Variants in BEST3 observed in about 807,000 individuals in gnomAD.
BEST3 encodes bestrophin 3.
Under a neutral mutation model 47.1 loss-of-function variants are expected in BEST3, and 50 were observed. The observed-to-expected ratio is 1.06, with a 90% CI of 0.85 to 1.34. The LOEUF is 1.34. BEST3 is among the 40% of genes most tolerant of loss of function. The pLI, the probability that BEST3 is intolerant of heterozygous loss-of-function variation, is 0.00. For synonymous variants in BEST3, 282 were observed against 298.8 expected, an observed-to-expected ratio of 0.94 and a Z score of 0.58; for missense variants, 765 against 817.0, an observed-to-expected ratio of 0.94 and a Z score of 0.78.
chr12:69,677,121 A>G, intron 6 of BEST3, 53 bp from the exon 7 acceptor site: 1 of 1,613,792 alleles, frequency 6.2e-7, no homozygotes, highest in Non-Finnish European at 8.5e-7. Flanking sequence ...CCCGCAGCGA[A>G]GCTACAGTGC....
chr12:69,695,784 GA>G (rs1003950262), intron 2 of BEST3, among the ~76,000 whole-genome samples: 2 of 152,044 alleles, frequency 1.3e-5, no homozygotes, highest in African/African-American at 4.8e-5. Flanking sequence ...CTATATATAA[GA>G]GGCATTGTAA....
chr12:69,681,101 A>G (rs779890044), intron 4 of BEST3, among the ~76,000 whole-genome samples: 3 of 152,124 alleles, frequency 2.0e-5, no homozygotes, highest in Non-Finnish European at 4.4e-5. Flanking sequence ...TTAAATGTTA[A>G]TTATGATTTA....
intron 4 of BEST3, among the ~76,000 whole-genome samples, chr12:69,682,113 T>G (rs1052895609): frequency 6.9e-6 from 1 of 145,740 alleles, no homozygotes; most frequent in Non-Finnish European, 1.5e-5. Flanking sequence ...AAAATACCAA[T>G]GGCTGGGTCT....
At chr12:69,686,786 A>AAAAAAAAAAAAAAAAAAAG (rs371159662) in intron 4 of BEST3, among the ~76,000 whole-genome samples, 7 of 143,278 alleles carry the variant, frequency 4.9e-5, no homozygotes, top group African/African-American at 7.9e-5. Context: ...AAACAAAAAA[A>AAAAAAAAAAAAAAAAAAAG]AAAGAAAGAA....
intron 9 of BEST3, 100 bp from the exon 10 acceptor site, chr12:69,655,913 T>C: frequency 6.8e-7 from 1 of 1,477,508 alleles, no homozygotes. Context: ...ATTTTTGCCT[T>C]ATAGATTTTT....
chr12:69,671,701 A>G, intron 8 of BEST3, 122 bp from the exon 9 acceptor site: 1 of 859,328 alleles, frequency 1.2e-6, no homozygotes, highest in East Asian at 2.6e-5. Flanking sequence ...GAATATACAA[A>G]TGTCTGTAGT....
At chr12:69,656,988 A>T (rs1883543154) in intron 9 of BEST3, among the ~76,000 whole-genome samples, 1 of 152,238 alleles carries the variant, frequency 6.6e-6, no homozygotes. Flanking sequence ...GTGAACTTGC[A>T]TCGCGATTGG....
At position 69,654,023 on chromosome 12, in the gene BEST3, A is replaced by G. The variant is rs1883306723; in HGVS notation, c.*884T>C. 6.1e-6 allele frequency: 6 copies of G among 985,454 alleles called. No individual in the cohort carries two copies. Among genetic ancestry groups the G allele is most frequent in the Non-Finnish European group, 7.2e-6 (6 of 829,942 alleles). The allele number at this position is 985,454 out of a possible 1,614,324, so 61.0% of individuals were successfully genotyped here. A position where few individuals can be genotyped will look rare whatever the true frequency, so the allele number is the denominator to read the frequency against. ...ATAGTGGAAGCAGAAAGAAATGTCA[A>G]TGGCTGCAAGGGCACGGGGGGAACC... is the stretch of plus-strand genomic sequence containing the variant. On this transcript the variant is annotated 3_prime_UTR_variant, in exon 10 of 10. Coordinates refer to ENST00000330891, the MANE Select transcript of BEST3 (RefSeq NM_032735.3).
Position 69,697,507 on chromosome 12 carries a change from G to A in BEST3, c.152+140C>T, listed in dbSNP as rs535150763. ...TGGTGGATTAAAATCTGTCCTGAGG[G>A]GAAGAAGACAAATGAGAGGCTCACG... On this transcript the variant is annotated intron_variant, in intron 2 of 9. Transcript: ENST00000330891. The A allele has an allele frequency of 3.3e-5, 20 of 605,556 alleles. No individual in the cohort carries two copies. In the African/African-American group the frequency reaches 3.4e-4, roughly 10 times the overall value. 37.5% of individuals were successfully genotyped at this position (605,556 alleles called of 1,614,324 possible). A position where few individuals can be genotyped will look rare whatever the true frequency, so the allele number is the denominator to read the frequency against.
At position 69,677,235 on chromosome 12, in the gene BEST3, C is replaced by A. The variant is rs1884980675; in HGVS notation, c.659G>T (p.Trp220Leu). The change falls in exon 6 of 10, where the codon TGG becomes TTG. Residue 220 changes from tryptophan to leucine, a missense_variant. By Grantham distance (61) the Trp-to-Leu change is moderately conservative. Coordinates refer to ENST00000330891, the MANE Select transcript of BEST3 (RefSeq NM_032735.3). ...LMTEMNRYRS[W>L]CSLLFGYDWV... ...GTCATAACCGAATAAGAGGCTGCAC[C>A]AAGAGCGGTATCGATTCATTTCCTA... 10 of 1,613,116 alleles carry A rather than the reference C, an allele frequency of 6.2e-6. No homozygotes were observed. In the East Asian group the frequency reaches 2.0e-4, roughly 32 times the overall value.
downstream of BEST3, among the ~76,000 whole-genome samples, chr12:69,651,925 C>G (rs928170891): frequency 1.3e-5 from 2 of 152,146 alleles, no homozygotes; most frequent in Non-Finnish European, 2.9e-5. Flanking sequence ...TTACATTTCT[C>G]CATTCCATTT....
Position 69,697,759 on chromosome 12 carries a change from A to T in BEST3, c.40T>A (p.Phe14Ile), listed in dbSNP as rs761141824. The T allele has an allele frequency of 6.2e-7, 1 of 1,613,092 alleles. No homozygotes were observed. Among genetic ancestry groups the T allele is most frequent in the Non-Finnish European group, 8.5e-7 (1 of 1,179,556 alleles). The stretch of plus-strand genomic sequence containing the variant: ...AGGAGTAACCTATGAAATCCAAAAA[A>T]AGTTGCATTTGCTACTTTACTGGAG... ...TYSSKVANAT[F>I]FGFHRLLLKW... The change falls in exon 2 of 10, where the codon TTT becomes ATT. Residue 14 changes from phenylalanine to isoleucine, a missense_variant. Coordinates refer to ENST00000330891, the MANE Select transcript of BEST3 (RefSeq NM_032735.3).
downstream of BEST3, among the ~76,000 whole-genome samples, chr12:69,652,367 G>A (rs1231558440): frequency 6.6e-6 from 1 of 152,150 alleles, no homozygotes; most frequent in African/African-American, 2.4e-5. Flanking sequence ...AATGAAATCA[G>A]GTACATGAGA....
In BEST3 at chr12:69,659,376, C is replaced by A. The variant is rs187994895; in HGVS notation, c.1101-3563G>T. ...ACGTATATATTTATTTATTTAGAGA[C>A]AAAGCCTCACTCTGTGACCCAGGCT... On this transcript the variant is annotated intron_variant, in intron 9 of 9. Coordinates refer to ENST00000330891, the MANE Select transcript of BEST3 (RefSeq NM_032735.3). Among the ~76,000 whole-genome samples the A allele has an allele frequency of 9.2e-4, 140 of 152,268 alleles. 1 individual carries two copies. Among genetic ancestry groups the A allele is most frequent in the Non-Finnish European group, 1.5e-3 (101 of 68,016 alleles).
In BEST3 at chr12:69,655,060, T is replaced by C. The variant is rs753450314; in HGVS notation, c.1854A>G (p.Leu618=). The C allele has an allele frequency of 4.8e-5, 78 of 1,614,046 alleles. No individual in the cohort carries two copies. In the Middle Eastern group the frequency reaches 1.5e-3, roughly 31 times the overall value. ...PDPMSSQPAL[L]IDTETSSEIS... ...TCTCTGAGGATGTTTCTGTGTCAAT[T>C]AAAAGAGCTGGCTGAGAGCTCATGG... Residue 618 remains leucine, a synonymous_variant, in exon 10 of 10, where the codon TTA becomes TTG. Transcript: ENST00000330891.
chr12:69,671,747 T>G (rs559826374), intron 8 of BEST3, among the ~76,000 whole-genome samples, 168 bp from the exon 9 acceptor site: 1 of 152,222 alleles, frequency 6.6e-6, no homozygotes, highest in East Asian at 1.9e-4. Flanking sequence ...CACAGAGAGT[T>G]GTATCTGTTG....
At chr12:69,685,992 A>G (rs1885554571) in intron 4 of BEST3, among the ~76,000 whole-genome samples, 1 of 152,164 alleles carries the variant, frequency 6.6e-6, no homozygotes, top group African/African-American at 2.4e-5. Context: ...CACTCACAGG[A>G]TGACATTCTG....
At position 69,654,066 on chromosome 12, in the gene BEST3, T is replaced by G; in HGVS notation, c.*841A>C. 3 of 985,448 alleles carry G rather than the reference T, an allele frequency of 3.0e-6. No individual in the cohort carries two copies. Among genetic ancestry groups the G allele is most frequent in the Non-Finnish European group, 3.6e-6 (3 of 829,912 alleles). 61.0% of individuals were successfully genotyped at this position (985,448 alleles called of 1,614,324 possible). A position where few individuals can be genotyped will look rare whatever the true frequency, so the allele number is the denominator to read the frequency against. On this transcript the variant is annotated 3_prime_UTR_variant, in exon 10 of 10. Coordinates refer to ENST00000330891, the MANE Select transcript of BEST3 (RefSeq NM_032735.3). ...GGGGAACCATCACTCCTATATGCCTTCCACTGGAAGTGAGACTGGAAGGGT... is the reference window on the plus strand; with the variant it reads ...GGGGAACCATCACTCCTATATGCCTGCCACTGGAAGTGAGACTGGAAGGGT...
chr12:69,668,696 G>A lies in BEST3; in HGVS notation c.1100+2732C>T, dbSNP rs1257488163. On this transcript the variant is annotated intron_variant, in intron 9 of 9. Coordinates refer to ENST00000330891, the MANE Select transcript of BEST3 (RefSeq NM_032735.3). ...TATCACATACTCCATATGGTTGGAC[G>A]GGGCTGACTATAACCCTTGGTTCAA... Among the ~76,000 whole-genome samples the A allele has an allele frequency of 2.6e-5, 4 of 152,126 alleles. No individual in the cohort carries two copies. In the East Asian group the frequency reaches 5.8e-4, roughly 22 times the overall value.
Sources: gnomAD v4.1 joint callset for allele counts (sites outside exome capture counted in the v4.1 genomes callset) on GRCh38, gnomAD v4.1.1 for gene constraint, MANE v1.5 for transcripts, NCBI Gene and HGNC (gene_info 2026-07-23, HGNC 2026-07-21) for gene names.